Variants in TSHZ2 observed in about 807,000 individuals in gnomAD.
TSHZ2 encodes the protein teashirt homolog 2.
Under a neutral mutation model 74.4 loss-of-function variants are expected in TSHZ2, and 21 were observed. The observed-to-expected ratio is 0.28, with a 90% CI of 0.20 to 0.41. TSHZ2 has a LOEUF of 0.41. Among genes scored for constraint, TSHZ2 ranks in the 10% least tolerant of loss-of-function variants. The pLI, the probability that TSHZ2 is intolerant of heterozygous loss-of-function variation, is 1.00. For synonymous variants in TSHZ2, 540 were observed against 515.3 expected, an observed-to-expected ratio of 1.05 and a Z score of -0.65; for missense variants, 1,244 against 1,293.5, an observed-to-expected ratio of 0.96 and a Z score of 0.59.
At chr20:53,001,234 G>GTATA (rs1439629473) in intron 1 of TSHZ2, among the ~76,000 whole-genome samples, 2 of 137,626 alleles carry the variant, frequency 1.5e-5, no homozygotes, top group African/African-American at 5.4e-5. Context: ...GTGTGTGTGT[G>GTATA]TGTGTGTGTG....
At chr20:53,465,807 A>G (rs908808533) in intron 2 of TSHZ2, among the ~76,000 whole-genome samples, 15 of 152,206 alleles carry the variant, frequency 9.9e-5, no homozygotes, top group South Asian at 2.1e-4. Context: ...TGGAAACTCA[A>G]TAAATGAAAA....
chr20:53,288,619 C>T (rs1316830434), intron 2 of TSHZ2, among the ~76,000 whole-genome samples: 2 of 152,078 alleles, frequency 1.3e-5, no homozygotes, highest in Non-Finnish European at 2.9e-5. Context: ...CATTGCCAGA[C>T]ACTGTAGTAG....
chr20:53,346,612 C>T (rs1980449147), intron 2 of TSHZ2, among the ~76,000 whole-genome samples: 1 of 152,186 alleles, frequency 6.6e-6, no homozygotes, highest in Non-Finnish European at 1.5e-5. Context: ...AAACCCTAAG[C>T]GTGTGAGGCC....
rs1983520667 is a variant in TSHZ2, at chr20:53,028,348, G to A, written c.40+55015G>A. On this transcript the variant is annotated intron_variant, in intron 1 of 2. Coordinates refer to ENST00000371497, the MANE Select transcript of TSHZ2 (RefSeq NM_173485.6). ...CTTCAAGCATCACATCCCCGATGTG[G>A]CCATCTTTAAACCATCTCCTTGTTT... Among the ~76,000 whole-genome samples, 4 of 152,332 alleles carry A rather than the reference G, an allele frequency of 2.6e-5. No homozygotes were observed. In the South Asian group the frequency reaches 8.3e-4, roughly 32 times the overall value.
chr20:53,256,139 C>T lies in TSHZ2; in HGVS notation c.2681C>T (p.Thr894Ile). The T allele has an allele frequency of 6.2e-7, 1 of 1,613,890 alleles. No individual in the cohort carries two copies. The highest frequency in any genetic ancestry group is 1.7e-5 in the Admixed American group (1 of 60,008). ...TCTAAGTTTACGGGACTCTCAATGACCACTATCAGTCACTGGCTGGCCAAC... is the reference window on the plus strand; with the variant it reads ...TCTAAGTTTACGGGACTCTCAATGATCACTATCAGTCACTGGCTGGCCAAC... ...QISKFTGLSM[T>I]TISHWLANVK... The change falls in exon 2 of 3, where the codon ACC (threonine) becomes ATC (isoleucine). Residue 894 changes from threonine (T) to isoleucine (I), a missense_variant. Physicochemically the swap from Thr to Ile is moderately conservative, Grantham distance 89 (BLOSUM62 -1). Coordinates refer to ENST00000371497, the MANE Select transcript of TSHZ2 (RefSeq NM_173485.6). The surrounding 1 kb of genome is among the most constrained non-coding windows in gnomAD (Gnocchi z 4.3).
intron 2 of TSHZ2, among the ~76,000 whole-genome samples, chr20:53,380,978 G>A (rs113331882): frequency 6.6e-6 from 1 of 152,142 alleles, no homozygotes; most frequent in African/African-American, 2.4e-5. Flanking sequence ...ACTGTATTGT[G>A]AGTCCATCCT....
intron 1 of TSHZ2, among the ~76,000 whole-genome samples, chr20:53,047,368 C>A (rs191687736): frequency 6.6e-6 from 1 of 152,084 alleles, no homozygotes; most frequent in African/African-American, 2.4e-5. Flanking sequence ...GCTCTGCCAC[C>A]GTAACACAAG....
In TSHZ2 at chr20:53,491,837, T is replaced by C. The variant is rs1986455692; in HGVS notation, c.*4702T>C. On this transcript the variant is annotated 3_prime_UTR_variant, in exon 3 of 3. Transcript: ENST00000371497. ...AATGGCTCTTCCAAGGAATGACACC[T>C]TTACTTGACACCCTTCGGCATACAA... is the stretch of plus-strand genomic sequence containing the variant. The C allele has an allele frequency of 6.6e-6, 1 of 152,202 alleles. No individual in the cohort carries two copies. The highest frequency in any genetic ancestry group is 2.4e-5 in the African/African-American group (1 of 41,454). 9.4% of individuals were successfully genotyped at this position (152,202 alleles called of 1,614,324 possible).
rs1005844611 is a variant in TSHZ2, at chr20:53,475,436, A to C, written c.*9-11708A>C. Among the ~76,000 whole-genome samples the C allele has an allele frequency of 4.2e-5, 5 of 118,562 alleles. 1 individual carries two copies. The highest frequency in any genetic ancestry group is 8.6e-5 in the Non-Finnish European group (5 of 58,390). The allele number at this position is 118,562 out of a possible 152,430, so 77.8% of individuals were successfully genotyped here. ...GGGTACATAACGAAATGAAGGCAGA[A>C]ATGAAGATGTTCTTTGAAACCAACG... is the stretch of plus-strand genomic sequence containing the variant. On this transcript the variant is annotated intron_variant, in intron 2 of 2. Coordinates refer to ENST00000371497, the MANE Select transcript of TSHZ2 (RefSeq NM_173485.6).
At chr20:53,392,089 T>C (rs1393891174) in intron 2 of TSHZ2, among the ~76,000 whole-genome samples, 1 of 152,188 alleles carries the variant, frequency 6.6e-6, no homozygotes, top group Non-Finnish European at 1.5e-5. Flanking sequence ...GGTAATTTTA[T>C]TGGTCAATGA....
At chr20:53,084,231 T>C (rs1194444310) in intron 1 of TSHZ2, among the ~76,000 whole-genome samples, 3 of 152,208 alleles carry the variant, frequency 2.0e-5, no homozygotes, top group Non-Finnish European at 4.4e-5. Flanking sequence ...GAACAAGTGT[T>C]TATATATCGG....
chr20:52,973,674 C>G (rs959374700), intron 1 of TSHZ2, among the ~76,000 whole-genome samples: 2 of 152,166 alleles, frequency 1.3e-5, no homozygotes, highest in Non-Finnish European at 2.9e-5. Context: ...GGAGACAGCC[C>G]CTCCACCCCT....
chr20:53,362,479 C>T (rs1211539046), intron 2 of TSHZ2, among the ~76,000 whole-genome samples: 2 of 152,280 alleles, frequency 1.3e-5, no homozygotes, highest in South Asian at 2.1e-4. Context: ...CCACCGTGCC[C>T]GGCCCACACA....
intron 1 of TSHZ2, among the ~76,000 whole-genome samples, chr20:53,130,728 G>C (rs1170694859): frequency 6.6e-6 from 1 of 152,224 alleles, no homozygotes; most frequent in Non-Finnish European, 1.5e-5. Context: ...GAAGATCTCA[G>C]TCGCTGGATT....
chr20:53,352,803 T>G (rs951346586), intron 2 of TSHZ2, among the ~76,000 whole-genome samples: 5 of 134,660 alleles, frequency 3.7e-5, no homozygotes, highest in South Asian at 2.3e-4. Flanking sequence ...AAGAAAGAAA[T>G]AAGATGAGAA....
At chr20:53,355,236 T>C (rs1297103526) in intron 2 of TSHZ2, among the ~76,000 whole-genome samples, 2 of 152,298 alleles carry the variant, frequency 1.3e-5, no homozygotes, top group Non-Finnish European at 1.5e-5. Context: ...ATTAACATTC[T>C]AAGAGAACAC....
At chr20:53,022,092 C>G (rs1983266315) in intron 1 of TSHZ2, among the ~76,000 whole-genome samples, 1 of 152,114 alleles carries the variant, frequency 6.6e-6, no homozygotes, top group Admixed American at 6.6e-5. Flanking sequence ...AAGTGCTACT[C>G]TAAGTGACTG....
chr20:53,090,440 T>G (rs1985847690), intron 1 of TSHZ2, among the ~76,000 whole-genome samples: 1 of 151,954 alleles, frequency 6.6e-6, no homozygotes, highest in South Asian at 2.1e-4. Context: ...GTGGAGAGAG[T>G]CAGGGCATGA....
intron 1 of TSHZ2, among the ~76,000 whole-genome samples, chr20:53,189,327 C>A (rs1303762830): frequency 6.6e-6 from 1 of 152,118 alleles, no homozygotes; most frequent in Non-Finnish European, 1.5e-5. Context: ...GTGGTGCAGA[C>A]AATGGTGAAC....
Sources: allele counts gnomAD v4.1 joint callset (sites outside exome capture counted in the v4.1 genomes callset), GRCh38; gene constraint gnomAD v4.1.1; non-coding constraint Gnocchi (gnomAD v3.1); transcripts MANE v1.5; gene names NCBI Gene and HGNC (gene_info 2026-07-23, HGNC 2026-07-21).